Variants in CCDC197 observed in about 807,000 individuals in gnomAD.
The protein encoded by CCDC197 is uncharacterized protein CCDC197.
Under a neutral mutation model 13.4 loss-of-function variants are expected in CCDC197, and 24 were observed. That is an observed-to-expected ratio of 1.80 (90% CI 1.30 to 2.53). The LOEUF is 2.53. Among genes scored for constraint, CCDC197 ranks in the 30% most tolerant of loss-of-function variants. The pLI is 0.00. For synonymous variants in CCDC197, 99 were observed against 55.5 expected, an observed-to-expected ratio of 1.78 and a Z score of -3.48; for missense variants, 255 against 148.8, an observed-to-expected ratio of 1.71 and a Z score of -3.71.
At chr14:93,998,312 C>T (rs1245866621) in intron 2 of CCDC197, 77 bp downstream of exon 2, 4 of 725,706 alleles carry the variant, frequency 5.5e-6, no homozygotes, top group South Asian at 1.5e-5. Context: ...ACTTAGCAAA[C>T]ATGTCCCCGA....
chr14:94,001,697 A>C (rs772898218), intron 4 of CCDC197: 1 of 176,672 alleles, frequency 5.7e-6, no homozygotes, highest in South Asian at 1.7e-4. Context: ...CGTCCTTGCG[A>C]GGCACCAAAC....
intron 2 of CCDC197, among the ~76,000 whole-genome samples, chr14:93,999,067 G>A (rs34237661): frequency 0.24 from 36,806 of 152,228 alleles, 5,508 homozygotes; most frequent in East Asian, 0.38. Flanking sequence ...GCAATAGCAC[G>A]TGGCCGCCTC....
intron 3 of CCDC197, 126 bp downstream of exon 3, chr14:93,999,791 G>A (rs1890437432): frequency 4.5e-6 from 3 of 668,508 alleles, no homozygotes; most frequent in Non-Finnish European, 8.1e-6. Context: ...AATCCACAAA[G>A]GCCAACCCCA....
In CCDC197 at chr14:93,998,252, C is replaced by A. The variant is rs375190725; in HGVS notation, c.104+17C>A. ...CCAGGCTAAGTATGTGTTGTCCCACCCCTGCCCCAGCCCCAGCCCCAGTGC... is the reference window on the plus strand; with the variant it reads ...CCAGGCTAAGTATGTGTTGTCCCACACCTGCCCCAGCCCCAGCCCCAGTGC... On this transcript the variant is annotated intron_variant, in intron 2 of 6. Coordinates refer to ENST00000636493, the MANE Select transcript of CCDC197 (RefSeq NM_001351596.2). 2.2e-3 allele frequency: 1,672 copies of A among 775,752 alleles called. 3 individuals carry two copies. The highest frequency in any genetic ancestry group is 3.2e-3 in the Non-Finnish European group (1,327 of 417,112). The allele number at this position is 775,752 out of a possible 1,614,324, so 48.1% of individuals were successfully genotyped here. A position where few individuals can be genotyped will look rare whatever the true frequency, so the allele number is the denominator to read the frequency against.
upstream of CCDC197, among the ~76,000 whole-genome samples, chr14:93,996,549 G>A (rs531556493): frequency 4.0e-5 from 6 of 151,202 alleles, no homozygotes; most frequent in East Asian, 1.2e-3. Flanking sequence ...CCTCATTCCT[G>A]GCCCCCACTC....
At chr14:94,005,442 C>T (rs1480723722) in intron 6 of CCDC197, among the ~76,000 whole-genome samples, 1 of 152,182 alleles carries the variant, frequency 6.6e-6, no homozygotes, top group African/African-American at 2.4e-5. Context: ...CTGAGGGAGC[C>T]TCTTGCACAG....
intron 6 of CCDC197, among the ~76,000 whole-genome samples, 165 bp downstream of exon 6, chr14:94,005,136 A>T (rs1336764979): frequency 6.6e-6 from 1 of 152,108 alleles, no homozygotes; most frequent in Admixed American, 6.5e-5. Flanking sequence ...TAAGGTCTCT[A>T]TTAGTCTACA....
downstream of CCDC197, chr14:94,008,980 G>A (rs1481125449): frequency 1.4e-5 from 8 of 557,780 alleles, no homozygotes; most frequent in East Asian, 2.0e-4. Flanking sequence ...CCCCATCCTG[G>A]GGGATTGGCA....
chr14:94,004,002 C>T (rs1368954000), intron 5 of CCDC197, among the ~76,000 whole-genome samples: 4 of 152,178 alleles, frequency 2.6e-5, no homozygotes, highest in Admixed American at 2.6e-4. Context: ...TCTCTCTGAT[C>T]AGAGAGTCTG....
downstream of CCDC197, among the ~76,000 whole-genome samples, chr14:94,010,601 T>C (rs2180088): frequency 0.13 from 19,919 of 152,168 alleles, 1,467 homozygotes; most frequent in Middle Eastern, 0.23. Context: ...TCAGGTAGGG[T>C]TTGAGTGGGA....
intron 5 of CCDC197, 89 bp from the exon 6 acceptor site, chr14:94,004,766 A>G (rs1453280862): frequency 1.5e-6 from 1 of 667,766 alleles, no homozygotes; most frequent in African/African-American, 1.8e-5. Context: ...TCTGTCCACG[A>G]CACTTCGCTG....
Position 94,008,593 on chromosome 14 carries a change from T to A in CCDC197, c.616-16T>A, listed in dbSNP as rs1188493347. The A allele has an allele frequency of 1.0e-5, 7 of 697,234 alleles. No individual in the cohort carries two copies. Among genetic ancestry groups the A allele is most frequent in the Admixed American group, 6.0e-5 (3 of 49,908 alleles). 43.2% of individuals were successfully genotyped at this position (697,234 alleles called of 1,614,324 possible). On this transcript the variant is annotated splice_polypyrimidine_tract_variant and intron_variant, in intron 6 of 6. Transcript: ENST00000636493. ...GCCAAAACACTGTCAGGTGAGAGAT[T>A]TATTTTCCCTCCCAGGAGTTCATGT...
chr14:93,990,706 C>T (rs973208205), intron 1 of CCDC197, among the ~76,000 whole-genome samples: 8 of 152,152 alleles, frequency 5.3e-5, no homozygotes, highest in African/African-American at 1.4e-4. Flanking sequence ...CAGAATTGGC[C>T]CTTTCTCCAG....
In CCDC197 at chr14:94,001,324, G is replaced by T. The variant is rs772006432; in HGVS notation, c.366+1G>T. 1.3e-6 allele frequency: 1 copy of T among 767,402 alleles called. No individual in the cohort carries two copies. The highest frequency in any genetic ancestry group is 2.4e-6 in the Non-Finnish European group (1 of 410,622). The allele number at this position is 767,402 out of a possible 1,614,324, so 47.5% of individuals were successfully genotyped here. ...GGAGGACCACAGGGCTCTCATGTTG[G>T]TAACAGCTGCTTGAAGTCTGCTCCA... On this transcript the variant is annotated splice_donor_variant, in intron 4 of 6. Coordinates refer to ENST00000636493, the MANE Select transcript of CCDC197 (RefSeq NM_001351596.2). LOFTEE classifies it high-confidence loss of function.
intron 5 of CCDC197, among the ~76,000 whole-genome samples, chr14:94,004,293 C>A (rs1890619997): frequency 6.6e-6 from 1 of 152,214 alleles, no homozygotes; most frequent in Non-Finnish European, 1.5e-5. Flanking sequence ...GGGCACAGGG[C>A]TGCGCTGGGC....
chr14:93,996,975 G>A (rs1890334580), upstream of CCDC197, among the ~76,000 whole-genome samples: 2 of 152,344 alleles, frequency 1.3e-5, no homozygotes, highest in South Asian at 4.1e-4. Context: ...AGAAATGCCT[G>A]AGCTGCAGCC....
chr14:94,003,988 G>C lies in CCDC197; in HGVS notation c.498+634G>C, dbSNP rs754341685. 3.3e-5 allele frequency among the ~76,000 whole-genome samples: 5 copies of C among 152,288 alleles called. No homozygotes were observed. The highest frequency in any genetic ancestry group is 7.3e-5 in the Non-Finnish European group (5 of 68,030). Reference sequence around the variant, plus strand: ...GTTATGTACTGTCTTCAGTAAGGCTGGTGTCTCTCTGATCAGAGAGTCTGA... The same window carrying C: ...GTTATGTACTGTCTTCAGTAAGGCTCGTGTCTCTCTGATCAGAGAGTCTGA... On this transcript the variant is annotated intron_variant, in intron 5 of 6. Coordinates refer to ENST00000636493, the MANE Select transcript of CCDC197 (RefSeq NM_001351596.2). The surrounding 1 kb of genome is among the most constrained non-coding windows in gnomAD (Gnocchi z 5.0).
chr14:93,992,423 A>G (rs1890229622), upstream of CCDC197, among the ~76,000 whole-genome samples: 1 of 152,152 alleles, frequency 6.6e-6, no homozygotes, highest in Non-Finnish European at 1.5e-5. Context: ...ACTTGAACCC[A>G]GGCCTGCAGG....
chr14:94,009,041 G>A (rs949842341), downstream of CCDC197, among the ~76,000 whole-genome samples: 1 of 152,202 alleles, frequency 6.6e-6, no homozygotes, highest in Non-Finnish European at 1.5e-5. Context: ...GCAGGTTCCC[G>A]AGTTGGGGGC....
Sources: allele counts gnomAD v4.1 joint callset (sites outside exome capture counted in the v4.1 genomes callset), GRCh38; gene constraint gnomAD v4.1.1; non-coding constraint Gnocchi (gnomAD v3.1); transcripts MANE v1.5; gene names NCBI Gene and HGNC (gene_info 2026-07-23, HGNC 2026-07-21).